The following CLPB variants were observed in gnomAD, a reference collection of about 807,000 sequenced individuals.
CLPB encodes the protein ClpB family mitochondrial disaggregase.
CLPB carries 40 observed loss-of-function variants against 78.4 expected under a neutral mutation model. That is an observed-to-expected ratio of 0.51 (90% CI 0.40 to 0.66). CLPB has a LOEUF of 0.66. Among genes scored for constraint, CLPB ranks in the 30% least tolerant of loss-of-function variants. CLPB has a pLI of 0.00. For synonymous variants in CLPB, 333 were observed against 348.0 expected, an observed-to-expected ratio of 0.96 and a Z score of 0.48; for missense variants, 780 against 886.9, an observed-to-expected ratio of 0.88 and a Z score of 1.53.
intron 3 of CLPB, among the ~76,000 whole-genome samples, chr11:72,397,644 CTT>C (rs1459910512): frequency 2.6e-5 from 4 of 152,134 alleles, no homozygotes; most frequent in Admixed American, 1.3e-4. Flanking sequence ...CCACCCATCT[CTT>C]TTTCGATGAA....
chr11:72,350,882 C>CA (rs1950601910), intron 5 of CLPB, among the ~76,000 whole-genome samples: 1 of 152,146 alleles, frequency 6.6e-6, no homozygotes, highest in African/African-American at 2.4e-5. Context: ...TTAAAGTACA[C>CA]AATTTAGAGG....
chr11:72,340,312 G>A lies in CLPB; in HGVS notation c.776-10508C>T, dbSNP rs954008171. 5.3e-5 allele frequency among the ~76,000 whole-genome samples: 8 copies of A among 152,300 alleles called. No individual in the cohort carries two copies. In the East Asian group the frequency reaches 1.3e-3, roughly 26 times the overall value. ...GGAGGAGGTCGATACACCAGTCCACGACATATTGAGCCACAATGCCTGCAG... is the reference window on the plus strand; with the variant it reads ...GGAGGAGGTCGATACACCAGTCCACAACATATTGAGCCACAATGCCTGCAG... On this transcript the variant is annotated intron_variant, in intron 5 of 15. Coordinates refer to ENST00000538039, the MANE Select transcript of CLPB (RefSeq NM_001258392.3).
chr11:72,352,006 C>A (rs1950623004), intron 5 of CLPB, among the ~76,000 whole-genome samples: 1 of 152,206 alleles, frequency 6.6e-6, no homozygotes, highest in African/African-American at 2.4e-5. Flanking sequence ...AACATTACAG[C>A]ATCCCAGAGA....
intron 1 of CLPB, among the ~76,000 whole-genome samples, chr11:72,431,405 T>C (rs1337640425): frequency 6.6e-6 from 1 of 152,230 alleles, no homozygotes; most frequent in Non-Finnish European, 1.5e-5. Flanking sequence ...GAGCAGGATC[T>C]GGAGACAGTC....
At chr11:72,372,781 T>C (rs1399026430) in intron 4 of CLPB, 2 of 706,364 alleles carry the variant, frequency 2.8e-6, no homozygotes, top group Non-Finnish European at 5.0e-6. Flanking sequence ...GAGCATGCAT[T>C]CTCTCTGCTA....
chr11:72,307,292 A>G, intron 8 of CLPB, 38 bp from the exon 9 acceptor site: 1 of 1,553,726 alleles, frequency 6.4e-7, no homozygotes, highest in Non-Finnish European at 8.9e-7. Context: ...GGTTAGAACC[A>G]GGTGACTAAC....
chr11:72,386,946 C>A (rs1855095798), intron 3 of CLPB, among the ~76,000 whole-genome samples: 1 of 152,084 alleles, frequency 6.6e-6, no homozygotes. Flanking sequence ...ACGTTTAAAG[C>A]TAAGAGGGTA....
chr11:72,390,891 G>A (rs551556901), intron 3 of CLPB, among the ~76,000 whole-genome samples: 3 of 152,336 alleles, frequency 2.0e-5, no homozygotes, highest in Non-Finnish European at 4.4e-5. Context: ...CTGTGGCAGT[G>A]GGGAGTTGCG....
In CLPB at chr11:72,285,622, A is replaced by T. The variant is rs1372516021; in HGVS notation, c.*7745T>A. On this transcript the variant is annotated 3_prime_UTR_variant, in exon 16 of 16. Coordinates refer to ENST00000538039, the MANE Select transcript of CLPB (RefSeq NM_001258392.3). ...TCAGGTCTTATTTTTATGCCCTTCA[A>T]TATGGTTTTCTTGTTAAATTTATTA... The T allele has an allele frequency of 6.6e-6, 1 of 152,242 alleles. No homozygotes were observed. The highest frequency in any genetic ancestry group is 1.9e-4 in the East Asian group (1 of 5,208). The allele number at this position is 152,242 out of a possible 1,614,324, so 9.4% of individuals were successfully genotyped here. A position where few individuals can be genotyped will look rare whatever the true frequency, so the allele number is the denominator to read the frequency against.
chr11:72,382,643 C>T (rs899899067), intron 3 of CLPB, among the ~76,000 whole-genome samples: 6 of 152,228 alleles, frequency 3.9e-5, no homozygotes, highest in African/African-American at 1.4e-4. Flanking sequence ...CTAAGGACTT[C>T]AGCACCAAGA....
At chr11:72,332,425 G>T (rs1950244650) in intron 5 of CLPB, among the ~76,000 whole-genome samples, 1 of 152,124 alleles carries the variant, frequency 6.6e-6, no homozygotes, top group Non-Finnish European at 1.5e-5. Context: ...GGAGGCAGGG[G>T]CTGCAGTGAG....
chr11:72,302,996 G>C (rs946817383), intron 9 of CLPB: 1 of 152,732 alleles, frequency 6.5e-6, no homozygotes, highest in Non-Finnish European at 1.5e-5. Flanking sequence ...CCACCACAGG[G>C]TGTAGGGGTG....
intron 5 of CLPB, among the ~76,000 whole-genome samples, chr11:72,339,660 G>A (rs1950383555): frequency 6.6e-6 from 1 of 152,110 alleles, no homozygotes. Context: ...TTGGCACCAT[G>A]GTAAGTGCTA....
At chr11:72,424,167 G>T (rs1360310808) in intron 2 of CLPB, among the ~76,000 whole-genome samples, 1 of 152,186 alleles carries the variant, frequency 6.6e-6, no homozygotes, top group Non-Finnish European at 1.5e-5. Flanking sequence ...ACGTATCAGT[G>T]CTTCCTTTGA....
At chr11:72,412,987 A>C (rs977859918) in intron 2 of CLPB, among the ~76,000 whole-genome samples, 8 of 152,092 alleles carry the variant, frequency 5.3e-5, no homozygotes, top group Admixed American at 2.6e-4. Flanking sequence ...ACACACACAC[A>C]CCCCTTCAAA....
chr11:72,423,784 T>C (rs148725483), intron 2 of CLPB, among the ~76,000 whole-genome samples: 3 of 152,342 alleles, frequency 2.0e-5, no homozygotes, highest in Non-Finnish European at 2.9e-5. Context: ...CAGTGTGGTA[T>C]GGTCCCTGCT....
chr11:72,360,735 C>A (rs952897726), intron 4 of CLPB, among the ~76,000 whole-genome samples: 14 of 152,208 alleles, frequency 9.2e-5, no homozygotes, highest in African/African-American at 3.4e-4. Context: ...CCGCGCCCAG[C>A]CATACTAATA....
At chr11:72,433,989 T>C in intron 1 of CLPB, 83 bp downstream of exon 1, 1 of 1,507,768 alleles carries the variant, frequency 6.6e-7, no homozygotes, top group South Asian at 1.2e-5. Context: ...TCTAAACCTA[T>C]AAGTACCTCC....
intron 5 of CLPB, among the ~76,000 whole-genome samples, chr11:72,330,659 C>G (rs552321738): frequency 5.9e-5 from 9 of 152,308 alleles, no homozygotes; most frequent in Admixed American, 2.6e-4. Flanking sequence ...AGTCGGCAGA[C>G]CCTGAATGAA....
Sources: gnomAD v4.1 joint callset for allele counts (sites outside exome capture counted in the v4.1 genomes callset) on GRCh38, gnomAD v4.1.1 for gene constraint, MANE v1.5 for transcripts, NCBI Gene and HGNC (gene_info 2026-07-23, HGNC 2026-07-21) for gene names.